Variants in DUS2 observed in about 807,000 individuals in gnomAD.
The protein encoded by DUS2 is dihydrouridine synthase 2, also known as tRNA-dihydrouridine(20) synthase [NAD(P)+]-like.
A neutral mutation model predicts 71.3 loss-of-function variants in DUS2; 52 were observed. That is an observed-to-expected ratio of 0.73 (90% confidence interval 0.58 to 0.92). The LOEUF is 0.92. Ranked by LOEUF, DUS2 falls within the 40% of genes least tolerant of loss-of-function variation. The pLI, the probability that DUS2 is intolerant of heterozygous loss-of-function variation, is 0.00. For missense variants in DUS2, 558 were observed against 622.6 expected, an observed-to-expected ratio of 0.90 and a Z score of 1.10; for synonymous variants, 204 against 227.8, an observed-to-expected ratio of 0.90 and a Z score of 0.94.
At position 68,053,481 on chromosome 16, in the gene DUS2, G is replaced by A. The variant is rs915700960; in HGVS notation, c.173-83G>A. On this transcript the variant is annotated intron_variant, in intron 4 of 16. Coordinates refer to ENST00000565263, the MANE Select transcript of DUS2 (RefSeq NM_017803.5). Reference sequence around the variant, plus strand: ...TCTTTCCCCTTGAAGCTTATACTCTGGCTGTGTTTTCTTCCAGGGCTTAGG... The same window carrying A: ...TCTTTCCCCTTGAAGCTTATACTCTAGCTGTGTTTTCTTCCAGGGCTTAGG... The A allele has an allele frequency of 3.9e-6, 5 of 1,284,298 alleles. No individual in the cohort carries two copies. The Admixed American group carries it at 8.5e-5, about 22-fold the overall frequency. 79.6% of individuals were successfully genotyped at this position (1,284,298 alleles called of 1,614,324 possible).
chr16:68,049,604 G>A, intron 4 of DUS2, 54 bp downstream of exon 4: 1 of 1,541,720 alleles, frequency 6.5e-7, no homozygotes, highest in Non-Finnish European at 9.0e-7. Flanking sequence ...GGCTCAAGCA[G>A]CACTACCACT....
chr16:68,057,282 C>T (rs2033874468), intron 7 of DUS2, among the ~76,000 whole-genome samples: 1 of 144,978 alleles, frequency 6.9e-6, no homozygotes, highest in Non-Finnish European at 1.5e-5. Context: ...AGAGAGAGAA[C>T]TCATGCCCAA....
intron 12 of DUS2, among the ~76,000 whole-genome samples, chr16:68,072,752 A>G (rs938771949): frequency 6.6e-6 from 1 of 152,062 alleles, no homozygotes; most frequent in Non-Finnish European, 1.5e-5. Context: ...GGCCACCTTC[A>G]CCCAATACTG....
chr16:68,046,770 G>A (rs867803861), intron 3 of DUS2, among the ~76,000 whole-genome samples: 24 of 148,598 alleles, frequency 1.6e-4, no homozygotes, highest in South Asian at 4.2e-4. Flanking sequence ...TTTTTGAGAC[G>A]AAGTCTTGCT....
At chr16:68,030,015 G>T (rs1442024033) in intron 2 of DUS2, among the ~76,000 whole-genome samples, 2 of 151,464 alleles carry the variant, frequency 1.3e-5, no homozygotes, top group East Asian at 2.0e-4. Flanking sequence ...CAAAGTGCTG[G>T]GATTACAGGT....
At chr16:68,053,985 A>G in intron 5 of DUS2, 1 of 283,064 alleles carries the variant, frequency 3.5e-6, no homozygotes, top group Non-Finnish European at 6.7e-6. Context: ...GTTTTTATGT[A>G]GTGTGTATAT....
At chr16:68,075,302 C>A in intron 13 of DUS2, 53 bp from the exon 14 acceptor site, 1 of 1,496,588 alleles carries the variant, frequency 6.7e-7, no homozygotes, top group Non-Finnish European at 8.9e-7. Flanking sequence ...CTGCAGTACC[C>A]TGGATGCTGG....
chr16:68,041,886 G>T (rs2033630763), intron 3 of DUS2, among the ~76,000 whole-genome samples: 1 of 148,798 alleles, frequency 6.7e-6, no homozygotes. Flanking sequence ...AAACATACAA[G>T]ATTTACTGTC....
Position 68,056,437 on chromosome 16 carries a change from C to G in DUS2, c.369+13C>G, listed in dbSNP as rs749018294. 49 of 1,604,570 alleles carry G rather than the reference C, an allele frequency of 3.1e-5. No homozygotes were observed. In the South Asian group the frequency reaches 4.6e-4, roughly 15 times the overall value. On this transcript the variant is annotated intron_variant, in intron 7 of 16. Coordinates refer to ENST00000565263, the MANE Select transcript of DUS2 (RefSeq NM_017803.5). ...ATATTCCACCAAGGTAAACTGGTTT[C>G]TTTATACTCCTCATAAACATAGGAT...
Position 68,075,505 on chromosome 16 carries a change from G to A in DUS2, c.1082+1G>A. On this transcript the variant is annotated splice_donor_variant, in intron 14 of 16. Coordinates refer to ENST00000565263, the MANE Select transcript of DUS2 (RefSeq NM_017803.5). LOFTEE classifies it high-confidence loss of function. ...TTAAGATGGCTGTCAAGTTTGACCG[G>A]TAGGTCTCCAGCTTGGCCTCAGCTT... 6.2e-7 allele frequency: 1 copy of A among 1,610,484 alleles called. No homozygotes were observed. The highest frequency in any genetic ancestry group is 1.3e-5 in the African/African-American group (1 of 75,010).
chr16:68,040,328 C>T (rs990856020), intron 3 of DUS2, among the ~76,000 whole-genome samples: 1 of 152,086 alleles, frequency 6.6e-6, no homozygotes, highest in Admixed American at 6.6e-5. Flanking sequence ...GGTAATCCAC[C>T]TGCCTTGGCC....
At chr16:68,056,449 C>T (rs1018887331) in intron 7 of DUS2, 25 bp downstream of exon 7, 2 of 1,587,928 alleles carry the variant, frequency 1.3e-6, no homozygotes, top group Non-Finnish European at 8.6e-7. Context: ...TTATACTCCT[C>T]ATAAACATAG....
Position 68,074,203 on chromosome 16 carries a change from A to G in DUS2, c.932+48A>G, listed in dbSNP as rs558881987. 5 of 1,610,196 alleles carry G rather than the reference A, an allele frequency of 3.1e-6. 1 individual carries two copies. The highest frequency in any genetic ancestry group is 2.7e-5 in the African/African-American group (2 of 74,972). On this transcript the variant is annotated intron_variant, in intron 13 of 16. Coordinates refer to ENST00000565263, the MANE Select transcript of DUS2 (RefSeq NM_017803.5). ...CATCTGTCCTTGTACGCATTGCCCA[A>G]GTTTGACTTTGAGCCCTAAGCTGAC...
intron 3 of DUS2, among the ~76,000 whole-genome samples, chr16:68,041,212 C>A (rs560766524): frequency 6.6e-6 from 1 of 151,432 alleles, no homozygotes; most frequent in South Asian, 2.1e-4. Flanking sequence ...GGCGACAGAA[C>A]AAAACAAAAC....
intron 3 of DUS2, among the ~76,000 whole-genome samples, chr16:68,048,493 T>G (rs1414278439): frequency 1.3e-5 from 2 of 152,172 alleles, no homozygotes; most frequent in Non-Finnish European, 2.9e-5. Flanking sequence ...TTGTGGTGAT[T>G]TGTTTGTTCA....
At chr16:68,054,486 T>G (rs886566946) in intron 5 of DUS2, 88 bp from the exon 6 acceptor site, 1 of 1,370,200 alleles carries the variant, frequency 7.3e-7, no homozygotes, top group African/African-American at 1.4e-5. Context: ...GGGGTGTGTG[T>G]GTGTATGTGT....
At chr16:68,042,323 A>G (rs1402373158) in intron 3 of DUS2, among the ~76,000 whole-genome samples, 2 of 152,214 alleles carry the variant, frequency 1.3e-5, no homozygotes, top group African/African-American at 2.4e-5. Flanking sequence ...TGCTGTGAAC[A>G]TGGGCGTGCA....
chr16:68,045,081 CTG>C (rs1361735143), intron 3 of DUS2, among the ~76,000 whole-genome samples: 2 of 152,204 alleles, frequency 1.3e-5, no homozygotes, highest in African/African-American at 4.8e-5. Flanking sequence ...GCGTGAGCCA[CTG>C]TGCCCGGCCG....
chr16:68,029,910 T>C (rs180822824), intron 2 of DUS2, among the ~76,000 whole-genome samples: 423 of 148,680 alleles, frequency 2.8e-3, no homozygotes, highest in Non-Finnish European at 5.2e-3. Context: ...TGTACCACCA[T>C]GCCCCGCTAA....
Sources: allele counts gnomAD v4.1 joint callset (sites outside exome capture counted in the v4.1 genomes callset), GRCh38; gene constraint gnomAD v4.1.1; transcripts MANE v1.5; gene names NCBI Gene and HGNC (gene_info 2026-07-23, HGNC 2026-07-21).